CTXND2: variants seen among roughly 807,000 people sequenced by gnomAD.
CTXND2 encodes cortexin domain containing 2.
chr1:150,904,429 A>G (rs1223534066), intron 1 of CTXND2, among the ~76,000 whole-genome samples: 1 of 152,234 alleles, frequency 6.6e-6, no homozygotes, highest in African/African-American at 2.4e-5. Context: ...AGTAAATGCT[A>G]TCACTGTTTA....
chr1:150,910,729 T>G (rs112102294), intron 1 of CTXND2, among the ~76,000 whole-genome samples: 1,790 of 152,006 alleles, frequency 0.012, 27 homozygotes, highest in African/African-American at 0.041. Flanking sequence ...CCTCCTGGTT[T>G]CAAGTGATTC....
intron 1 of CTXND2, among the ~76,000 whole-genome samples, chr1:150,902,577 G>A (rs1303460475): frequency 1.3e-5 from 2 of 152,082 alleles, no homozygotes; most frequent in East Asian, 3.9e-4. Flanking sequence ...ATCACCTATA[G>A]GAGGTAGGTA....
At chr1:150,907,107 A>G (rs1396721220) in intron 1 of CTXND2, among the ~76,000 whole-genome samples, 1 of 152,208 alleles carries the variant, frequency 6.6e-6, no homozygotes, top group Non-Finnish European at 1.5e-5. Context: ...AAGGGAGAAG[A>G]GCTAATAGAA....
exon 2 of CTXND2, chr1:150,912,910 G>GTGTGAAGTTTTATAAAATCTGCTGTTC (rs879867680): frequency 2.0e-5 from 3 of 152,936 alleles, no homozygotes; most frequent in Admixed American, 6.5e-5. Context: ...TTGTTTTAGT[G>GTGTGAAGTTTTATAAAATCTGCTGTTC]TGTGAAGTTT....
chr1:150,900,319 G>A (rs1029467270), intron 1 of CTXND2, among the ~76,000 whole-genome samples: 3 of 151,318 alleles, frequency 2.0e-5, no homozygotes, highest in Admixed American at 6.6e-5. Flanking sequence ...GAAGGTCTGC[G>A]GCTTCACTCC....
intron 1 of CTXND2, among the ~76,000 whole-genome samples, chr1:150,888,608 C>T (rs1668806242): frequency 6.6e-6 from 1 of 151,926 alleles, no homozygotes; most frequent in African/African-American, 2.4e-5. Context: ...TGGATCACTG[C>T]ATATGAAAAT....
chr1:150,904,349 T>G (rs1669098843), intron 1 of CTXND2: 1 of 333,534 alleles, frequency 3.0e-6, no homozygotes, highest in Admixed American at 4.2e-5. Flanking sequence ...CAGTCCTGAT[T>G]TAAAACTAAG....
intron 1 of CTXND2, among the ~76,000 whole-genome samples, chr1:150,909,956 G>A (rs900086157): frequency 6.6e-6 from 1 of 152,104 alleles, no homozygotes; most frequent in Non-Finnish European, 1.5e-5. Flanking sequence ...CCAATGAGGG[G>A]TCTTGCACTT....
intron 1 of CTXND2, among the ~76,000 whole-genome samples, chr1:150,903,306 T>C (rs1669076048): frequency 6.6e-6 from 1 of 151,994 alleles, no homozygotes; most frequent in Non-Finnish European, 1.5e-5. Flanking sequence ...ATAAGTACTT[T>C]TGTGCATGAT....
chr1:150,892,900 A>G (rs587637922), intron 1 of CTXND2, among the ~76,000 whole-genome samples: 1 of 152,124 alleles, frequency 6.6e-6, no homozygotes, highest in African/African-American at 2.4e-5. Flanking sequence ...TTGATTTGTC[A>G]GTTTTCTCAA....
At chr1:150,894,729 C>T (rs1668891286) in intron 1 of CTXND2, among the ~76,000 whole-genome samples, 2 of 152,086 alleles carry the variant, frequency 1.3e-5, no homozygotes, top group African/African-American at 4.8e-5. Context: ...TATTAATCCT[C>T]TCTATCCTTA....
intron 1 of CTXND2, among the ~76,000 whole-genome samples, chr1:150,893,817 G>C (rs1305325388): frequency 1.3e-5 from 2 of 152,066 alleles, no homozygotes; most frequent in Admixed American, 6.6e-5. Flanking sequence ...GGAACCCTAA[G>C]CATGTGGGGG....
intron 1 of CTXND2, among the ~76,000 whole-genome samples, chr1:150,910,537 G>A (rs951325274): frequency 2.0e-5 from 3 of 151,946 alleles, no homozygotes; most frequent in Non-Finnish European, 4.4e-5. Flanking sequence ...AGTTGTCCCA[G>A]CACCATTTGT....
At chr1:150,909,210 C>G (rs1235472768) in intron 1 of CTXND2, among the ~76,000 whole-genome samples, 2 of 149,078 alleles carry the variant, frequency 1.3e-5, no homozygotes, top group Non-Finnish European at 3.0e-5. Context: ...TGCCCTCCAG[C>G]CTGGGCGACA....
intron 1 of CTXND2, among the ~76,000 whole-genome samples, chr1:150,889,521 A>G (rs1425901347): frequency 6.6e-6 from 1 of 151,834 alleles, no homozygotes; most frequent in Non-Finnish European, 1.5e-5. Flanking sequence ...TTCCCACTAC[A>G]TGTCCACTTA....
intron 1 of CTXND2, among the ~76,000 whole-genome samples, chr1:150,898,154 T>TG (rs1407025706): frequency 5.0e-5 from 3 of 59,796 alleles, no homozygotes; most frequent in Non-Finnish European, 1.1e-4. Context: ...AGATGTGGGG[T>TG]TTTTTTTTTT....
intron 1 of CTXND2, among the ~76,000 whole-genome samples, chr1:150,897,125 G>C (rs937124869): frequency 3.9e-5 from 6 of 152,154 alleles, no homozygotes; most frequent in African/African-American, 1.4e-4. Context: ...GAGCCTTGGA[G>C]CCCCATTAAG....
At chr1:150,911,712 C>T (rs966814513) in intron 1 of CTXND2, among the ~76,000 whole-genome samples, 6 of 152,154 alleles carry the variant, frequency 3.9e-5, no homozygotes, top group Non-Finnish European at 5.9e-5. Flanking sequence ...GGATTACAGG[C>T]GTGAGCCACC....
At position 150,897,638 on chromosome 1, in the gene CTXND2, A is replaced by G. The variant is rs369167067; in HGVS notation, c.-74+10325A>G. On this transcript the variant is annotated intron_variant, in intron 1 of 1. Coordinates refer to ENST00000636087, the Ensembl canonical transcript of CTXND2. ...CAGGCCAGCCTCCAAAAGGATATTA[A>G]TAGATACAGGGAGTGAGAAATCACT... Among the ~76,000 whole-genome samples, 24 of 152,358 alleles carry G rather than the reference A, an allele frequency of 1.6e-4. No homozygotes were observed. The East Asian group carries it at 2.1e-3, about 13-fold the overall frequency.
Sources: gnomAD v4.1 joint callset for allele counts (sites outside exome capture counted in the v4.1 genomes callset) on GRCh38, gnomAD v4.1.1 for gene constraint, MANE v1.5 for transcripts, NCBI Gene and HGNC (gene_info 2026-07-23, HGNC 2026-07-21) for gene names.